Variants in PCGF5 observed in about 807,000 individuals in gnomAD.
PCGF5 encodes polycomb group ring finger 5, also known as polycomb group RING finger protein 5.
A neutral mutation model predicts 44.3 loss-of-function variants in PCGF5; 9 were observed. The ratio of observed to expected loss-of-function variants is 0.20; its 90% CI spans 0.12 to 0.35. The LOEUF is 0.35. Ranked by LOEUF, PCGF5 falls within the 10% of genes least tolerant of loss-of-function variation. The probability of loss-of-function intolerance (pLI) is 1.00; values close to 1 mark genes in which losing one functional copy is unlikely to be tolerated. For synonymous variants in PCGF5, 95 were observed against 102.5 expected, an observed-to-expected ratio of 0.93 and a Z score of 0.44; for missense variants, 146 against 305.3, an observed-to-expected ratio of 0.48 and a Z score of 3.89.
At chr10:91,227,541 T>TTC in intron 2 of PCGF5, 1 of 1,209,874 alleles carries the variant, frequency 8.3e-7, no homozygotes, top group Non-Finnish European at 1.1e-6. Flanking sequence ...TCCCTTTAGT[T>TTC]TCATCCCTCT....
At chr10:91,205,819 A>G (rs933939384) in intron 1 of PCGF5, among the ~76,000 whole-genome samples, 4 of 152,080 alleles carry the variant, frequency 2.6e-5, no homozygotes, top group African/African-American at 4.8e-5. Context: ...GCAAAACCCT[A>G]TCTCTGCTAA....
Position 91,280,282 on chromosome 10 carries a change from TAACTC to T in PCGF5, c.*1969_*1973del, listed in dbSNP as rs1230384270. 1 of 152,064 alleles carries T rather than the reference TAACTC, an allele frequency of 6.6e-6. No homozygotes were observed. The highest frequency in any genetic ancestry group is 1.5e-5 in the Non-Finnish European group (1 of 67,882). 9.4% of individuals were successfully genotyped at this position (152,064 alleles called of 1,614,324 possible). ...AGTGTTTTGCAAATGGAATTTTAATTAACTCAAAATGAATTAAGAGTGCATTTTAA... is the reference window on the plus strand; with the variant it reads ...AGTGTTTTGCAAATGGAATTTTAATTAAAATGAATTAAGAGTGCATTTTAA... On this transcript the variant is annotated 3_prime_UTR_variant, in exon 10 of 10. Coordinates refer to ENST00000336126, the MANE Select transcript of PCGF5 (RefSeq NM_032373.5).
At chr10:91,198,489 C>T (rs1844186691) in intron 1 of PCGF5, among the ~76,000 whole-genome samples, 1 of 152,220 alleles carries the variant, frequency 6.6e-6, no homozygotes, top group Non-Finnish European at 1.5e-5. Flanking sequence ...TCCTTACCTA[C>T]CCCTAGTACC....
chr10:91,193,505 G>A (rs1192532028), intron 1 of PCGF5, among the ~76,000 whole-genome samples: 2 of 151,994 alleles, frequency 1.3e-5, no homozygotes, highest in African/African-American at 4.8e-5. Context: ...AACAGTGACA[G>A]CCAAGTCCTA....
At chr10:91,231,695 C>G (rs1311562658) in intron 2 of PCGF5, among the ~76,000 whole-genome samples, 2 of 152,130 alleles carry the variant, frequency 1.3e-5, no homozygotes, top group African/African-American at 4.8e-5. Context: ...AATGAAGATC[C>G]GTTTCAGGCA....
chr10:91,173,910 T>C (rs1843657746), intron 1 of PCGF5, among the ~76,000 whole-genome samples: 1 of 151,966 alleles, frequency 6.6e-6, no homozygotes, highest in Admixed American at 6.6e-5. Context: ...AAAGTTCTGA[T>C]TTCCTTCCTT....
chr10:91,255,749 C>A (rs949861384), intron 6 of PCGF5, among the ~76,000 whole-genome samples: 2 of 151,990 alleles, frequency 1.3e-5, no homozygotes, highest in Admixed American at 6.6e-5. Context: ...ACAACAACAA[C>A]AAAATATGGG....
intron 3 of PCGF5, 88 bp from the exon 4 acceptor site, chr10:91,248,417 C>T: frequency 1.7e-6 from 2 of 1,168,120 alleles, no homozygotes; most frequent in Non-Finnish European, 2.6e-6. Flanking sequence ...TATTTTGTAA[C>T]ATGTATAAGA....
At chr10:91,257,990 C>T (rs1032764538) in intron 6 of PCGF5, among the ~76,000 whole-genome samples, 2 of 152,086 alleles carry the variant, frequency 1.3e-5, no homozygotes, top group African/African-American at 4.8e-5. Context: ...AGTACTGATA[C>T]ATGCTACAAA....
intron 6 of PCGF5, among the ~76,000 whole-genome samples, chr10:91,255,990 ATTG>A (rs1347709241): frequency 6.6e-6 from 1 of 152,008 alleles, no homozygotes; most frequent in African/African-American, 2.4e-5. Flanking sequence ...TATTTTTATT[ATTG>A]TTATTTTTAT....
intron 7 of PCGF5, 48 bp from the exon 8 acceptor site, chr10:91,264,381 CTT>C (rs1273662620): frequency 7.1e-7 from 1 of 1,404,348 alleles, no homozygotes; most frequent in Non-Finnish European, 9.7e-7. Flanking sequence ...ATGCAAAATA[CTT>C]TTGAATTCAA....
intron 6 of PCGF5, 99 bp from the exon 7 acceptor site, chr10:91,261,227 C>A (rs1397420772): frequency 3.8e-6 from 5 of 1,304,646 alleles, no homozygotes; most frequent in Non-Finnish European, 5.0e-6. Context: ...TAAAAATACT[C>A]AAAATGATAG....
intron 5 of PCGF5, 77 bp downstream of exon 5, chr10:91,248,801 G>A: frequency 8.4e-7 from 1 of 1,193,660 alleles, no homozygotes; most frequent in Non-Finnish European, 1.2e-6. Flanking sequence ...GAACTAATAT[G>A]TCTCTTCAGG....
intron 1 of PCGF5, among the ~76,000 whole-genome samples, chr10:91,177,142 C>A (rs1225435517): frequency 6.6e-6 from 1 of 152,220 alleles, no homozygotes; most frequent in Non-Finnish European, 1.5e-5. Flanking sequence ...CCCTCAGCTG[C>A]AGGTCTGTTG....
Position 91,189,312 on chromosome 10 carries a change from G to T in PCGF5, c.-184+26231G>T, listed in dbSNP as rs111433491. Among the ~76,000 whole-genome samples the T allele has an allele frequency of 9.5e-3, 1,448 of 152,248 alleles. 25 individuals are homozygous for T. The highest frequency in any genetic ancestry group is 0.033 in the African/African-American group (1,369 of 41,536). The stretch of plus-strand genomic sequence containing the variant: ...TCCCCATTTTTCCATGCCATGAAAG[G>T]TGTCTGTTCATACCTATCTCCACTA... On this transcript the variant is annotated intron_variant, in intron 1 of 9. Coordinates refer to the PCGF5 transcript ENST00000614189.
In PCGF5 at chr10:91,260,380, A is replaced by G. The variant is rs551643547; in HGVS notation, c.475-946A>G. Among the ~76,000 whole-genome samples, 15 of 152,314 alleles carry G rather than the reference A, an allele frequency of 9.8e-5. No individual in the cohort carries two copies. In the East Asian group the frequency reaches 2.9e-3, roughly 29 times the overall value. ...GTTGGTGGGACTGTAAACTAGTTCAACCATTGTGGAAGTCGATGTGGCGAT... is the reference window on the plus strand; with the variant it reads ...GTTGGTGGGACTGTAAACTAGTTCAGCCATTGTGGAAGTCGATGTGGCGAT... On this transcript the variant is annotated intron_variant, in intron 6 of 9. Coordinates refer to ENST00000336126, the MANE Select transcript of PCGF5 (RefSeq NM_032373.5).
intron 5 of PCGF5, 150 bp downstream of exon 5, chr10:91,248,874 A>G (rs981237045): frequency 5.8e-6 from 4 of 683,912 alleles, no homozygotes; most frequent in Non-Finnish European, 1.0e-5. Context: ...CTTTTTCTCT[A>G]TATGAGATTT....
chr10:91,254,888 G>A (rs1301819336), intron 6 of PCGF5, among the ~76,000 whole-genome samples: 1 of 152,038 alleles, frequency 6.6e-6, no homozygotes, highest in East Asian at 1.9e-4. Flanking sequence ...TCAAGAAGAT[G>A]ACTAACTATC....
In PCGF5 at chr10:91,279,061, A is replaced by C. The variant is rs972775860; in HGVS notation, c.*745A>C. The C allele has an allele frequency of 6.6e-6, 1 of 152,536 alleles. No individual in the cohort carries two copies. The highest frequency in any genetic ancestry group is 1.5e-5 in the Non-Finnish European group (1 of 68,042). 9.4% of individuals were successfully genotyped at this position (152,536 alleles called of 1,614,324 possible). A position where few individuals can be genotyped will look rare whatever the true frequency, so the allele number is the denominator to read the frequency against. ...TGGCAGCTGATCACATTTACTTCTG[A>C]TAAAAGTAATGTGTAAGTAAGGTTA... is the stretch of plus-strand genomic sequence containing the variant. On this transcript the variant is annotated 3_prime_UTR_variant, in exon 10 of 10. Coordinates refer to ENST00000336126, the MANE Select transcript of PCGF5 (RefSeq NM_032373.5).
Sources: allele counts gnomAD v4.1 joint callset (sites outside exome capture counted in the v4.1 genomes callset), GRCh38; gene constraint gnomAD v4.1.1; transcripts MANE v1.5; gene names NCBI Gene and HGNC (gene_info 2026-07-23, HGNC 2026-07-21).